The following COL11A1 variants were observed in gnomAD, a reference collection of about 807,000 sequenced individuals.
COL11A1 encodes the protein collagen alpha-1(XI) chain.
Under a neutral mutation model 265.2 loss-of-function variants are expected in COL11A1, and 74 were observed. The ratio of observed to expected loss-of-function variants is 0.28; its 90% CI spans 0.23 to 0.34. The LOEUF is 0.34. Ranked by LOEUF, COL11A1 falls within the 10% of genes least tolerant of loss-of-function variation. COL11A1 has a pLI of 1.00. For missense variants in COL11A1, 2,165 were observed against 2,263.6 expected (o/e 0.96, Z 0.88); for synonymous variants, 816 against 727.6 (o/e 1.12, Z -1.96).
At chr1:102,925,017 ATAAT>A (rs140183776) in intron 46 of COL11A1, among the ~76,000 whole-genome samples, 4,890 of 151,866 alleles carry the variant, frequency 0.032, 101 homozygotes, top group Middle Eastern at 0.083. Context: ...TATGCTATAC[ATAAT>A]TAATTTTTAA....
chr1:103,029,839 A>G (rs1254374594), intron 5 of COL11A1, among the ~76,000 whole-genome samples: 1 of 152,060 alleles, frequency 6.6e-6, no homozygotes, highest in Non-Finnish European at 1.5e-5. Context: ...ACATAATAGC[A>G]TTACAACATG....
At chr1:102,936,234 G>A (rs1409254165) in intron 44 of COL11A1, among the ~76,000 whole-genome samples, 3 of 145,614 alleles carry the variant, frequency 2.1e-5, no homozygotes, top group Non-Finnish European at 3.0e-5. Flanking sequence ...TACAGTGCTT[G>A]TCTCAAAAAA....
At position 102,932,045 on chromosome 1, in the gene COL11A1, C is replaced by T. The variant is rs1036615967; in HGVS notation, c.3600+2404G>A. Reference sequence around the variant, plus strand: ...CACTGATGGGTCTTGACTCTTTATCCAATTTGCCAGTCTGTGTCTTTTAAT... The same window carrying T: ...CACTGATGGGTCTTGACTCTTTATCTAATTTGCCAGTCTGTGTCTTTTAAT... On this transcript the variant is annotated intron_variant, in intron 46 of 66. Transcript: ENST00000370096. Among the ~76,000 whole-genome samples, 95 of 150,152 alleles carry T rather than the reference C, an allele frequency of 6.3e-4. 1 individual carries two copies. Among genetic ancestry groups the T allele is most frequent in the African/African-American group, 2.3e-3 (94 of 40,836 alleles).
intron 54 of COL11A1, among the ~76,000 whole-genome samples, chr1:102,903,848 G>T (rs1189875271): frequency 6.6e-6 from 1 of 152,150 alleles, no homozygotes; most frequent in Non-Finnish European, 1.5e-5. Flanking sequence ...TAAACAGAGT[G>T]ATCTCACTTA....
At chr1:103,049,889 G>A (rs929810010) in intron 4 of COL11A1, among the ~76,000 whole-genome samples, 1 of 152,112 alleles carries the variant, frequency 6.6e-6, no homozygotes, top group Non-Finnish European at 1.5e-5. Context: ...GAAATCCTGG[G>A]CTGAAAATTC....
At chr1:102,880,689 G>A (rs12079176) in intron 65 of COL11A1, among the ~76,000 whole-genome samples, 8,343 of 145,074 alleles carry the variant, frequency 0.058, 816 homozygotes, top group African/African-American at 0.2. Flanking sequence ...ACTTAAATTT[G>A]AAAAAAAAAA....
chr1:102,970,984 G>A (rs903457861), intron 36 of COL11A1, among the ~76,000 whole-genome samples: 1 of 150,034 alleles, frequency 6.7e-6, no homozygotes, highest in Admixed American at 6.7e-5. Flanking sequence ...ACTGCACTCC[G>A]AGCGAGACCG....
In COL11A1 at chr1:102,998,068, G is replaced by A. The variant is rs12723167; in HGVS notation, c.2196+242C>T. ...AAGGAGGAAATGAAAAAAAATATGA[G>A]ATTCTGGGGAGGTTCTGGCTTGGAG... is the stretch of plus-strand genomic sequence containing the variant. On this transcript the variant is annotated intron_variant, in intron 25 of 66. Coordinates refer to ENST00000370096, the MANE Select transcript of COL11A1 (RefSeq NM_001854.4). Among the ~76,000 whole-genome samples, 5,490 of 151,922 alleles carry A rather than the reference G, an allele frequency of 0.036. 133 individuals carry two copies. Among genetic ancestry groups the A allele is most frequent in the Middle Eastern group, 0.092 (27 of 294 alleles).
intron 14 of COL11A1, among the ~76,000 whole-genome samples, chr1:103,010,888 C>G (rs1275962774): frequency 6.6e-6 from 1 of 151,936 alleles, no homozygotes; most frequent in Non-Finnish European, 1.5e-5. Flanking sequence ...TTAGTAGAAA[C>G]GGGGTTTCTC....
intron 28 of COL11A1, among the ~76,000 whole-genome samples, chr1:102,994,013 G>A (rs1664384611): frequency 1.3e-5 from 2 of 152,100 alleles, no homozygotes; most frequent in Admixed American, 1.3e-4. Context: ...GAAATGCATG[G>A]CCTTTTTCAT....
intron 49 of COL11A1, among the ~76,000 whole-genome samples, chr1:102,919,788 A>G (rs540772705): frequency 1.3e-5 from 2 of 152,240 alleles, no homozygotes; most frequent in Admixed American, 6.5e-5. Context: ...AAATATTTTG[A>G]CAAGTGACAA....
At chr1:103,052,996 A>G (rs1669951285) in intron 4 of COL11A1, among the ~76,000 whole-genome samples, 1 of 152,246 alleles carries the variant, frequency 6.6e-6, no homozygotes, top group Non-Finnish European at 1.5e-5. Flanking sequence ...CTGCAGGCTA[A>G]TAATAGACCT....
Position 102,989,711 on chromosome 1 carries a change from C to T in COL11A1, c.2341-140G>A, listed in dbSNP as rs953081829. ...GTGCATGGTAGTTGTGAAACTTCCTCCTCCCTTTTCCAACTCCAGCCACAG... is the reference window on the plus strand; with the variant it reads ...GTGCATGGTAGTTGTGAAACTTCCTTCTCCCTTTTCCAACTCCAGCCACAG... On this transcript the variant is annotated intron_variant, in intron 28 of 66. Transcript: ENST00000370096. 4 of 489,574 alleles carry T rather than the reference C, an allele frequency of 8.2e-6. No homozygotes were observed. In the South Asian group the frequency reaches 1.6e-4, roughly 20 times the overall value. The allele number at this position is 489,574 out of a possible 1,614,324, so 30.3% of individuals were successfully genotyped here.
intron 41 of COL11A1, 68 bp from the exon 42 acceptor site, chr1:102,947,024 A>C (rs1413478425): frequency 4.0e-6 from 5 of 1,236,872 alleles, no homozygotes; most frequent in Non-Finnish European, 5.8e-6. Flanking sequence ...TCACTTATTT[A>C]ACAATAGCTT....
intron 57 of COL11A1, among the ~76,000 whole-genome samples, chr1:102,895,307 AT>A (rs1485545060): frequency 2.7e-4 from 41 of 152,284 alleles, no homozygotes; most frequent in African/African-American, 9.6e-4. Flanking sequence ...AGATATTTCA[AT>A]TGTCTAAATA....
intron 66 of COL11A1, among the ~76,000 whole-genome samples, chr1:102,879,436 A>G (rs917963860): frequency 8.5e-5 from 13 of 152,216 alleles, no homozygotes; most frequent in East Asian, 3.9e-4. Context: ...AGAATAAAAT[A>G]ACATATAATC....
At position 103,022,917 on chromosome 1, in the gene COL11A1, T is replaced by A. The variant is rs777344924; in HGVS notation, c.1070A>T (p.Asp357Val). The change falls in exon 8 of 67, where the codon GAT becomes GTT. Residue 357 changes from aspartate (D) to valine (V), a missense_variant. Coordinates refer to ENST00000370096, the MANE Select transcript of COL11A1 (RefSeq NM_001854.4). Reference sequence around the variant, plus strand: ...TATTTCTTTGTTTTCATATAGTGTATCCTCAGAATTTTTCCTCTGGGAATC... The same window carrying A: ...TATTTCTTTGTTTTCATATAGTGTAACCTCAGAATTTTTCCTCTGGGAATC... ...DYDSQRKNSE[D>V]TLYENKEIDG... The A allele has an allele frequency of 3.1e-6, 5 of 1,613,764 alleles. No homozygotes were observed. In the East Asian group the frequency reaches 8.9e-5, roughly 29 times the overall value.
At chr1:103,099,865 G>C (rs1334216322) in intron 1 of COL11A1, among the ~76,000 whole-genome samples, 1 of 151,844 alleles carries the variant, frequency 6.6e-6, no homozygotes, top group East Asian at 1.9e-4. Flanking sequence ...ATTTAAAAAA[G>C]AGGAGTCACT....
chr1:103,073,783 T>C (rs1420590132), intron 4 of COL11A1, among the ~76,000 whole-genome samples: 2 of 152,022 alleles, frequency 1.3e-5, no homozygotes, highest in African/African-American at 4.8e-5. Context: ...ATACTGTCTG[T>C]ATGTTTGTAT....
Sources: allele counts gnomAD v4.1 joint callset (sites outside exome capture counted in the v4.1 genomes callset), GRCh38; gene constraint gnomAD v4.1.1; transcripts MANE v1.5; gene names NCBI Gene and HGNC (gene_info 2026-07-23, HGNC 2026-07-21).